The following XPR1 variants were observed in gnomAD, a reference collection of about 807,000 sequenced individuals.
XPR1 encodes the protein xenotropic and polytropic retrovirus receptor 1.
In XPR1, 28 loss-of-function variants were observed where a neutral mutation model predicts 87.5. The ratio of observed to expected loss-of-function variants is 0.32; its 90% CI spans 0.24 to 0.44. XPR1 has a LOEUF of 0.44. XPR1 is among the 20% of genes least tolerant of loss of function. The pLI is 1.00. For missense variants in XPR1, 559 were observed against 862.3 expected (o/e 0.65, Z 4.41); for synonymous variants, 300 against 306.1 (o/e 0.98, Z 0.21).
intron 2 of XPR1, among the ~76,000 whole-genome samples, chr1:180,773,077 T>C (rs1283368215): frequency 2.0e-5 from 3 of 152,174 alleles, no homozygotes; most frequent in African/African-American, 7.2e-5. Flanking sequence ...TATCAAGAGA[T>C]AGAGACTAGT....
In XPR1 at chr1:180,883,576, G is replaced by C. The variant is rs6700142; in HGVS notation, c.2031-430G>C. On this transcript the variant is annotated intron_variant, in intron 14 of 14. Coordinates refer to ENST00000367590, the MANE Select transcript of XPR1 (RefSeq NM_004736.4). Reference sequence around the variant, plus strand: ...ATACAAAACTTCGCCAAGCGTGGTGGCACATGCCTGTAATCCCAGCTACTC... The same window carrying C: ...ATACAAAACTTCGCCAAGCGTGGTGCCACATGCCTGTAATCCCAGCTACTC... 3.4e-3 allele frequency among the ~76,000 whole-genome samples: 524 copies of C among 152,208 alleles called. 6 individuals are homozygous for C. Among genetic ancestry groups the C allele is most frequent in the African/African-American group, 0.012 (496 of 41,528 alleles).
At chr1:180,812,115 T>G (rs1251180262) in intron 7 of XPR1, among the ~76,000 whole-genome samples, 1 of 151,404 alleles carries the variant, frequency 6.6e-6, no homozygotes, top group East Asian at 1.9e-4. Context: ...CAGTCACCAC[T>G]TCTTGAAACA....
intron 1 of XPR1, among the ~76,000 whole-genome samples, chr1:180,658,450 G>A (rs190151875): frequency 7.0e-4 from 106 of 152,290 alleles, no homozygotes; most frequent in African/African-American, 2.5e-3. Flanking sequence ...TTATTGTGTT[G>A]AGGTATGCTT....
chr1:180,671,660 G>A (rs980277608), intron 1 of XPR1, among the ~76,000 whole-genome samples: 2 of 152,078 alleles, frequency 1.3e-5, no homozygotes, highest in Admixed American at 1.3e-4. Context: ...GATTACATGT[G>A]TCAACTACCA....
chr1:180,805,478 C>A (rs1169253260), intron 4 of XPR1, among the ~76,000 whole-genome samples: 1 of 152,194 alleles, frequency 6.6e-6, no homozygotes, highest in Non-Finnish European at 1.5e-5. Flanking sequence ...ATCACTTCCT[C>A]CTTTCTACTT....
rs1653121257 is a variant in XPR1, at chr1:180,889,562, T to C, written c.*5496T>C. 1 of 152,228 alleles carries C rather than the reference T, an allele frequency of 6.6e-6. No homozygotes were observed. Among genetic ancestry groups the C allele is most frequent in the South Asian group, 2.1e-4 (1 of 4,836 alleles). 9.4% of individuals were successfully genotyped at this position (152,228 alleles called of 1,614,324 possible). A position where few individuals can be genotyped will look rare whatever the true frequency, so the allele number is the denominator to read the frequency against. On this transcript the variant is annotated 3_prime_UTR_variant, in exon 15 of 15. Coordinates refer to ENST00000367590, the MANE Select transcript of XPR1 (RefSeq NM_004736.4). ...GCATGGTGGGAATTGGAGGGAAAGA[T>C]TGTGGAAAATCCCTAAAGGGTCATT... is the stretch of plus-strand genomic sequence containing the variant.
At chr1:180,756,963 A>G (rs1203590115) in intron 2 of XPR1, among the ~76,000 whole-genome samples, 1 of 152,234 alleles carries the variant, frequency 6.6e-6, no homozygotes, top group Non-Finnish European at 1.5e-5. Context: ...TCAGTTGAAC[A>G]CAAGTGTGAG....
chr1:180,820,662 A>AT lies in XPR1; in HGVS notation c.764-4087dup, dbSNP rs1210700478. The stretch of plus-strand genomic sequence containing the variant: ...AACTGTTTTTCACAGAGGCTTTACC[A>AT]TTTTCCATTCCTACTAGCAGTTTAT... On this transcript the variant is annotated intron_variant, in intron 7 of 14. Transcript: ENST00000367590. Among the ~76,000 whole-genome samples the AT allele has an allele frequency of 7.9e-5, 12 of 152,184 alleles. No homozygotes were observed. In the East Asian group the frequency reaches 2.3e-3, roughly 29 times the overall value.
chr1:180,656,616 ATATTT>A (rs1557941818), intron 1 of XPR1, among the ~76,000 whole-genome samples: 1 of 106,604 alleles, frequency 9.4e-6, no homozygotes, highest in Non-Finnish European at 1.8e-5. Flanking sequence ...TATGTATAAT[ATATTT>A]TATATATGTA....
chr1:180,811,297 T>C (rs1353489472), intron 6 of XPR1, 110 bp from the exon 7 acceptor site: 1 of 876,530 alleles, frequency 1.1e-6, no homozygotes, highest in Non-Finnish European at 1.8e-6. Flanking sequence ...GAACATTAAA[T>C]ATTATTTTCA....
At chr1:180,849,183 A>G (rs544514375) in intron 11 of XPR1, among the ~76,000 whole-genome samples, 3 of 152,302 alleles carry the variant, frequency 2.0e-5, no homozygotes, top group Non-Finnish European at 4.4e-5. Context: ...TGATAGAGCT[A>G]TTTGCAAATA....
At chr1:180,726,976 G>A (rs961487817) in intron 2 of XPR1, among the ~76,000 whole-genome samples, 1 of 151,430 alleles carries the variant, frequency 6.6e-6, no homozygotes, top group Non-Finnish European at 1.5e-5. Context: ...CTGGGTTCAC[G>A]CCGTTCTCCT....
At chr1:180,792,569 A>G (rs552931524) in intron 3 of XPR1, among the ~76,000 whole-genome samples, 3 of 152,320 alleles carry the variant, frequency 2.0e-5, no homozygotes, top group Non-Finnish European at 4.4e-5. Context: ...ATTGTTTATT[A>G]TGTATCTTTG....
chr1:180,878,648 A>G (rs1426451713), intron 13 of XPR1, among the ~76,000 whole-genome samples: 1 of 152,236 alleles, frequency 6.6e-6, no homozygotes, highest in Non-Finnish European at 1.5e-5. Flanking sequence ...TGGTAGAGCC[A>G]TGATTTGAAT....
intron 11 of XPR1, among the ~76,000 whole-genome samples, chr1:180,859,586 G>T (rs1368395972): frequency 1.3e-5 from 2 of 152,114 alleles, no homozygotes; most frequent in Admixed American, 1.3e-4. Context: ...TGAGAGATGG[G>T]AAAGATCAAA....
At chr1:180,660,951 A>C (rs1224581409) in intron 1 of XPR1, among the ~76,000 whole-genome samples, 1 of 152,098 alleles carries the variant, frequency 6.6e-6, no homozygotes, top group African/African-American at 2.4e-5. Flanking sequence ...GGGTGTTGAG[A>C]TCTCCAGTTC....
intron 2 of XPR1, among the ~76,000 whole-genome samples, chr1:180,746,153 G>A (rs1229594608): frequency 6.6e-6 from 1 of 151,990 alleles, no homozygotes; most frequent in African/African-American, 2.4e-5. Context: ...TTTCATGGAT[G>A]CATTGTATAG....
chr1:180,742,680 C>T (rs867302210), intron 2 of XPR1, among the ~76,000 whole-genome samples: 31 of 151,984 alleles, frequency 2.0e-4, no homozygotes, highest in African/African-American at 6.8e-4. Context: ...CTTCTATATT[C>T]TTGCTGATTT....
Position 180,873,818 on chromosome 1 carries a change from G to A in XPR1, c.1684G>A (p.Ala562Thr), listed in dbSNP as rs752542477. The A allele has an allele frequency of 6.2e-7, 1 of 1,613,708 alleles. No homozygotes were observed. The highest frequency in any genetic ancestry group is 1.7e-5 in the Admixed American group (1 of 59,922). Residue 562 changes from alanine (A) to threonine (T), a missense_variant, in exon 13 of 15, where the codon GCC becomes ACC. Coordinates refer to ENST00000367590, the MANE Select transcript of XPR1 (RefSeq NM_004736.4). Reference protein sequence around the residue: ...VYPQKAYYYCAIIEDVILRFA... With the variant: ...VYPQKAYYYCTIIEDVILRFA... Reference sequence around the variant, plus strand: ...TATTTCTCAGGCCTACTACTACTGTGCCATAATAGAGGATGTGATTCTGCG... The same window carrying A: ...TATTTCTCAGGCCTACTACTACTGTACCATAATAGAGGATGTGATTCTGCG...
Sources: allele counts gnomAD v4.1 joint callset (sites outside exome capture counted in the v4.1 genomes callset), GRCh38; gene constraint gnomAD v4.1.1; transcripts MANE v1.5; gene names NCBI Gene and HGNC (gene_info 2026-07-23, HGNC 2026-07-21).